ZNF362: variants seen among roughly 807,000 people sequenced by gnomAD.
The protein encoded by ZNF362 is zinc finger protein 362.
Under a neutral mutation model 42.9 loss-of-function variants are expected in ZNF362, and 11 were observed. That is an observed-to-expected ratio of 0.26 (90% CI 0.16 to 0.42). ZNF362 has a LOEUF of 0.42. Among genes scored for constraint, ZNF362 ranks in the 20% least tolerant of loss-of-function variants. ZNF362 has a pLI of 1.00. For missense variants in ZNF362, 362 were observed against 576.2 expected (o/e 0.63, Z 3.81); for synonymous variants, 255 against 257.3 (o/e 0.99, Z 0.09).
the ZNF362 span, among the ~76,000 whole-genome samples, chr1:33,173,919 G>A: frequency 1.3e-5 from 2 of 151,682 alleles, no homozygotes; most frequent in African/African-American, 4.8e-5. Context: ...GGATGGTCTC[G>A]AACTCCTAGC....
chr1:33,169,584 A>G, the ZNF362 span, among the ~76,000 whole-genome samples: 2 of 152,184 alleles, frequency 1.3e-5, no homozygotes, highest in Non-Finnish European at 2.9e-5. Flanking sequence ...TCTGGGAAGA[A>G]AGGCACAAAG....
At chr1:33,134,375 A>G in the ZNF362 span, among the ~76,000 whole-genome samples, 2 of 152,260 alleles carry the variant, frequency 1.3e-5, no homozygotes, top group African/African-American at 2.4e-5. Flanking sequence ...AATTAAGTGC[A>G]GGTGGACTCT....
At chr1:33,200,478 T>C in the ZNF362 span, 1 of 152,116 alleles carries the variant, frequency 6.6e-6, no homozygotes, top group Admixed American at 6.6e-5. Context: ...ATGTAAAAGA[T>C]TTAAATACTC....
At chr1:33,188,666 A>G in the ZNF362 span, among the ~76,000 whole-genome samples, 1 of 152,218 alleles carries the variant, frequency 6.6e-6, no homozygotes, top group East Asian at 1.9e-4. Flanking sequence ...GACACTTAGT[A>G]GTAATACCTA....
At chr1:33,269,600 G>T (rs925157519) in intron 1 of ZNF362, among the ~76,000 whole-genome samples, 1 of 152,138 alleles carries the variant, frequency 6.6e-6, no homozygotes. Flanking sequence ...GTAGTGGTGT[G>T]ATCATGGCTC....
the ZNF362 span, among the ~76,000 whole-genome samples, chr1:33,170,552 C>G: frequency 2.6e-5 from 4 of 152,240 alleles, no homozygotes; most frequent in Admixed American, 2.6e-4. Context: ...TGAGGCTAGG[C>G]TGAGTCAGAG....
chr1:33,211,460 T>C, the ZNF362 span, among the ~76,000 whole-genome samples: 1 of 152,192 alleles, frequency 6.6e-6, no homozygotes, highest in Non-Finnish European at 1.5e-5. Flanking sequence ...AGCATTTGGT[T>C]GACTGTAAGG....
At position 33,297,511 on chromosome 1, in the gene ZNF362, C is replaced by CTTTTTTTTTTTTTTTTTTTT. The variant is rs776504622; in HGVS notation, c.1147-1418_1147-1417insTTTTTTTTTTTTTTTTTTTT. 2.5e-5 allele frequency among the ~76,000 whole-genome samples: 2 copies of CTTTTTTTTTTTTTTTTTTTT among 78,908 alleles called. 1 individual carries two copies. The highest frequency in any genetic ancestry group is 1.3e-4 in the African/African-American group (2 of 15,124). 51.8% of individuals were successfully genotyped at this position (78,908 alleles called of 152,430 possible). ...ATGATTTGGTGTATTTACATGATTC[C>CTTTTTTTTTTTTTTTTTTTT]TCTTTTTTTTTTTTTTTTTGAGACG... On this transcript the variant is annotated intron_variant, in intron 8 of 8. Transcript: ENST00000539719.
At chr1:33,272,258 G>A (rs1479682482) in intron 2 of ZNF362, among the ~76,000 whole-genome samples, 1 of 152,176 alleles carries the variant, frequency 6.6e-6, no homozygotes, top group Non-Finnish European at 1.5e-5. Context: ...TGGCCTTATA[G>A]GTGAGAGTTC....
chr1:33,169,128 C>T, the ZNF362 span, among the ~76,000 whole-genome samples: 8 of 152,114 alleles, frequency 5.3e-5, no homozygotes, highest in East Asian at 5.8e-4. Context: ...GAGTCCTAAA[C>T]GTGATGCCAC....
At chr1:33,151,442 G>A in the ZNF362 span, among the ~76,000 whole-genome samples, 2 of 152,208 alleles carry the variant, frequency 1.3e-5, no homozygotes, top group Non-Finnish European at 2.9e-5. Flanking sequence ...ACAGGGTCTT[G>A]GCTCCTGGGG....
the ZNF362 span, among the ~76,000 whole-genome samples, chr1:33,246,406 G>A: frequency 2.0e-5 from 3 of 152,158 alleles, no homozygotes; most frequent in Non-Finnish European, 4.4e-5. Context: ...TGACCCGCTG[G>A]TCCCCACCAG....
intron 6 of ZNF362, among the ~76,000 whole-genome samples, chr1:33,292,384 A>T (rs1386000976): frequency 6.6e-6 from 1 of 152,178 alleles, no homozygotes; most frequent in Admixed American, 6.5e-5. Context: ...TGATTTGCGT[A>T]TGTTGAACCA....
the ZNF362 span, among the ~76,000 whole-genome samples, chr1:33,218,829 T>TC: frequency 1.3e-5 from 2 of 152,046 alleles, no homozygotes; most frequent in African/African-American, 4.8e-5. Context: ...GAAGTCAGAT[T>TC]CCCAAGAGAT....
chr1:33,242,345 G>A, the ZNF362 span, among the ~76,000 whole-genome samples: 1 of 152,158 alleles, frequency 6.6e-6, no homozygotes, highest in Non-Finnish European at 1.5e-5. Context: ...AGAAATCAAG[G>A]GAGGTGAGCA....
Position 33,300,353 on chromosome 1 carries a change from AC to A in ZNF362, c.*1308del, listed in dbSNP as rs1646158661. ...CTTTGTTTGACTTGCGTCGTCTGAT[AC>A]TCAGTATTGTAGCTTTTTGTCCGCA... On this transcript the variant is annotated 3_prime_UTR_variant, in exon 9 of 9. Coordinates refer to ENST00000539719, the MANE Select transcript of ZNF362 (RefSeq NM_152493.3). The A allele has an allele frequency of 8.7e-6, 1 of 115,514 alleles. No individual in the cohort carries two copies. Among genetic ancestry groups the A allele is most frequent in the Admixed American group, 1.3e-4 (1 of 7,570 alleles). 7.2% of individuals were successfully genotyped at this position (115,514 alleles called of 1,614,324 possible).
At chr1:33,141,960 C>T in the ZNF362 span, 1 of 153,038 alleles carries the variant, frequency 6.5e-6, no homozygotes. Context: ...CCCCCCTCCC[C>T]TCTCCTACTT....
the ZNF362 span, chr1:33,165,769 G>T: frequency 2.4e-6 from 1 of 411,172 alleles, no homozygotes; most frequent in Non-Finnish European, 4.3e-6. The surrounding 1 kb of genome is among the most constrained non-coding windows in gnomAD (Gnocchi z 4.0). Context: ...TCTTTCACCT[G>T]CATCTTTGCA....
At chr1:33,181,641 C>A in the ZNF362 span, 36 of 889,596 alleles carry the variant, frequency 4.0e-5, no homozygotes, top group African/African-American at 4.5e-4. The surrounding 1 kb of genome is among the most constrained non-coding windows in gnomAD (Gnocchi z 6.5). Flanking sequence ...GGACGCCAGC[C>A]CGGGAGGGCA....
Sources: gnomAD v4.1 joint callset for allele counts (sites outside exome capture counted in the v4.1 genomes callset) on GRCh38, gnomAD v4.1.1 for gene constraint, Gnocchi (gnomAD v3.1) non-coding constraint, MANE v1.5 for transcripts, NCBI Gene and HGNC (gene_info 2026-07-23, HGNC 2026-07-21) for gene names.